Variants in HDX observed in about 807,000 individuals in gnomAD.
HDX encodes highly divergent homeobox.
Under a neutral mutation model 45.2 loss-of-function variants are expected in HDX, and 19 were observed. The observed-to-expected ratio is 0.42, with a 90% CI of 0.29 to 0.62. The LOEUF is 0.62. Among genes scored for constraint, HDX ranks in the 20% least tolerant of loss-of-function variants. The pLI is 0.20. For synonymous variants in HDX, 188 were observed against 172.8 expected, an observed-to-expected ratio of 1.09 and a Z score of -0.69; for missense variants, 532 against 493.9, an observed-to-expected ratio of 1.08 and a Z score of -0.73.
chrX:84,359,062 T>A (rs2037555869), intron 6 of HDX, among the ~76,000 whole-genome samples: 1 of 111,523 alleles, frequency 9.0e-6, no homozygotes, highest in South Asian at 3.8e-4. Flanking sequence ...TTAAGGCTTT[T>A]TTTTTCCTTA....
At chrX:84,485,188 C>T (rs765631214) in intron 2 of HDX, among the ~76,000 whole-genome samples, 1 of 111,285 alleles carries the variant, frequency 9.0e-6, no homozygotes, top group African/African-American at 3.3e-5. Flanking sequence ...GTGACTGTTC[C>T]ATGAACACTT....
Position 84,323,631 on chromosome X carries a change from A to G in HDX, c.1948-1617T>C, listed in dbSNP as rs1399996986. On this transcript the variant is annotated intron_variant, in intron 10 of 10. Coordinates refer to ENST00000373177, the MANE Select transcript of HDX (RefSeq NM_001177479.2). The stretch of plus-strand genomic sequence containing the variant: ...TTGAGTAAAATGAGTGCAGTAAAAA[A>G]TATAAAAATTTTAATATCTGAGGCA... Among the ~76,000 whole-genome samples the G allele has an allele frequency of 3.6e-5, 4 of 111,727 alleles. No homozygotes were observed. In the Admixed American group the frequency reaches 3.8e-4, roughly 11 times the overall value.
At chrX:84,365,166 T>C (rs760575742) in intron 5 of HDX, among the ~76,000 whole-genome samples, 3 of 111,219 alleles carry the variant, frequency 2.7e-5, no homozygotes, top group African/African-American at 9.8e-5. Context: ...ATTTTTTGTG[T>C]ACCTCAGTGT....
chrX:84,356,618 T>C (rs374807256), intron 6 of HDX, among the ~76,000 whole-genome samples: 158 of 71,927 alleles, frequency 2.2e-3, no homozygotes, highest in African/African-American at 7.4e-3. Context: ...GGATATCTTT[T>C]TTTTTTTTTT....
At chrX:84,416,800 A>G (rs1269754491) in intron 5 of HDX, among the ~76,000 whole-genome samples, 1 of 111,688 alleles carries the variant, frequency 9.0e-6, no homozygotes, top group Non-Finnish European at 1.9e-5. Flanking sequence ...TTCAACATGT[A>G]ATTAATATAA....
At chrX:84,452,644 G>C (rs1168854174) in intron 4 of HDX, among the ~76,000 whole-genome samples, 2 of 110,688 alleles carry the variant, frequency 1.8e-5, no homozygotes, top group Admixed American at 1.9e-4. Flanking sequence ...GTAGAGCAAT[G>C]GATCAAAATA....
intron 5 of HDX, among the ~76,000 whole-genome samples, chrX:84,371,833 C>G (rs2147876413): frequency 9.0e-6 from 1 of 111,603 alleles, no homozygotes; most frequent in East Asian, 2.8e-4. Flanking sequence ...CTGCGAAGTT[C>G]TAGAATTGAA....
At chrX:84,397,871 A>T (rs2038601713) in intron 5 of HDX, among the ~76,000 whole-genome samples, 3 of 111,490 alleles carry the variant, frequency 2.7e-5, no homozygotes, top group African/African-American at 9.8e-5. Flanking sequence ...GATAAATGTT[A>T]TTGATTGAAG....
chrX:84,363,531 A>C (rs1232153078), intron 5 of HDX, among the ~76,000 whole-genome samples: 1 of 111,905 alleles, frequency 8.9e-6, no homozygotes, highest in Non-Finnish European at 1.9e-5. Context: ...CCTAAATAAA[A>C]CCTGATTTGA....
At chrX:84,384,176 A>C (rs747055063) in intron 5 of HDX, among the ~76,000 whole-genome samples, 31 of 111,309 alleles carry the variant, frequency 2.8e-4, no homozygotes, top group Middle Eastern at 9.3e-3. Flanking sequence ...ACAGTGTATA[A>C]GCATTCTCTT....
At chrX:84,391,882 A>G (rs1457528327) in intron 5 of HDX, among the ~76,000 whole-genome samples, 3 of 111,722 alleles carry the variant, frequency 2.7e-5, no homozygotes, top group Non-Finnish European at 5.7e-5. Flanking sequence ...TCTTCCATTC[A>G]ACAGGTTGTG....
chrX:84,378,596 T>C (rs2038114194), intron 5 of HDX, among the ~76,000 whole-genome samples: 1 of 111,444 alleles, frequency 9.0e-6, no homozygotes, highest in African/African-American at 3.3e-5. Context: ...AATAATGGGT[T>C]ACAAGATAGT....
chrX:84,354,991 GCA>G (rs778695191), intron 6 of HDX, among the ~76,000 whole-genome samples: 13 of 40,771 alleles, frequency 3.2e-4, no homozygotes, highest in Non-Finnish European at 4.5e-4. Flanking sequence ...ATACACACAC[GCA>G]CACACACACA....
At chrX:84,431,200 C>T (rs1372299030) in intron 5 of HDX, among the ~76,000 whole-genome samples, 7 of 110,039 alleles carry the variant, frequency 6.4e-5, no homozygotes, top group African/African-American at 3.3e-5. Context: ...TTTATGGCCA[C>T]GTAGCATTTG....
intron 2 of HDX, among the ~76,000 whole-genome samples, chrX:84,479,679 A>G (rs756975935): frequency 8.9e-6 from 1 of 111,908 alleles, no homozygotes; most frequent in South Asian, 3.7e-4. Flanking sequence ...GCACTGAAAA[A>G]CATTCAGTGA....
chrX:84,361,108 A>G (rs1416843872), intron 6 of HDX, among the ~76,000 whole-genome samples: 2 of 111,968 alleles, frequency 1.8e-5, no homozygotes, highest in Non-Finnish European at 3.8e-5. Context: ...ATATTGTTAC[A>G]GTGGATAAAT....
chrX:84,396,687 G>A (rs1158444206), intron 5 of HDX, among the ~76,000 whole-genome samples: 1 of 111,777 alleles, frequency 8.9e-6, no homozygotes, highest in African/African-American at 3.3e-5. Context: ...GGGTTGGGAA[G>A]GCCAGTCTCC....
intron 6 of HDX, among the ~76,000 whole-genome samples, chrX:84,349,118 C>A (rs1385046857): frequency 3.6e-5 from 4 of 110,643 alleles, no homozygotes; most frequent in African/African-American, 9.9e-5. Flanking sequence ...GGTTTTCCTG[C>A]CTTGGTAATG....
chrX:84,337,346 T>C (rs771631127), intron 7 of HDX, among the ~76,000 whole-genome samples: 2 of 111,399 alleles, frequency 1.8e-5, no homozygotes, highest in Admixed American at 1.9e-4. Flanking sequence ...AAATTTATTA[T>C]GCAAATATGT....
Sources: allele counts gnomAD v4.1 joint callset (sites outside exome capture counted in the v4.1 genomes callset), GRCh38; gene constraint gnomAD v4.1.1; transcripts MANE v1.5; gene names NCBI Gene and HGNC (gene_info 2026-07-23, HGNC 2026-07-21).